STIM1: variants seen among roughly 807,000 people sequenced by gnomAD.
The protein encoded by STIM1 is stromal interaction molecule 1.
In STIM1, 25 loss-of-function variants were observed where a neutral mutation model predicts 74.7. The ratio of observed to expected loss-of-function variants is 0.33; its 90% CI spans 0.24 to 0.47. The LOEUF (loss-of-function observed/expected upper bound fraction) is 0.47, where lower values mean the gene tolerates loss of function less well. Ranked by LOEUF, STIM1 falls within the 20% of genes least tolerant of loss-of-function variation. The pLI is 1.00. For missense variants in STIM1, 728 were observed against 920.8 expected (o/e 0.79, Z 2.71); for synonymous variants, 328 against 348.8 (o/e 0.94, Z 0.66).
chr11:4,040,800 AACCTTGTGGTTTCTCTC>A (rs1565157217), intron 3 of STIM1, among the ~76,000 whole-genome samples: 1 of 151,940 alleles, frequency 6.6e-6, no homozygotes, highest in Non-Finnish European at 1.5e-5. Flanking sequence ...TGTCTCTACT[AACCTTGTGGTTTCTCTC>A]TTGGTGGTCT....
intron 3 of STIM1, among the ~76,000 whole-genome samples, chr11:4,042,298 C>T (rs1013561616): frequency 2.0e-5 from 3 of 152,322 alleles, no homozygotes; most frequent in South Asian, 4.1e-4. Context: ...GCTCAAATAT[C>T]ACTTCATCAG....
chr11:4,039,231 A>G (rs1239711930), intron 3 of STIM1, among the ~76,000 whole-genome samples: 1 of 152,124 alleles, frequency 6.6e-6, no homozygotes, highest in Non-Finnish European at 1.5e-5. Flanking sequence ...GGTTGAGGCT[A>G]CAGTGAGCTA....
chr11:3,856,119 T>G lies in STIM1; in HGVS notation c.-152T>G. Reference sequence around the variant, plus strand: ...ACTTGGAGCACTTGACCTTTGGCTGTTGGAGGGGGCAGGCTCGCGGGTGGC... The same window carrying G: ...ACTTGGAGCACTTGACCTTTGGCTGGTGGAGGGGGCAGGCTCGCGGGTGGC... On this transcript the variant is annotated 5_prime_UTR_variant, in exon 1 of 13. Coordinates refer to ENST00000526596, the MANE Select transcript of STIM1 (RefSeq NM_001382567.1). 3.1e-6 allele frequency: 3 copies of G among 964,076 alleles called. No homozygotes were observed. Among genetic ancestry groups the G allele is most frequent in the Non-Finnish European group, 3.2e-6 (2 of 625,728 alleles). The allele number at this position is 964,076 out of a possible 1,614,324, so 59.7% of individuals were successfully genotyped here.
intron 1 of STIM1, among the ~76,000 whole-genome samples, chr11:3,895,730 CTTTCT>C (rs1565105297): frequency 1.8e-4 from 7 of 39,246 alleles, no homozygotes; most frequent in South Asian, 1.0e-3. Flanking sequence ...TTCTTTCTTT[CTTTCT>C]TTTTCTTTCT....
upstream of STIM1, chr11:3,854,959 G>A (rs573054679): frequency 3.9e-5 from 6 of 152,506 alleles, no homozygotes; most frequent in East Asian, 1.2e-3. Flanking sequence ...CCTCCCCCGG[G>A]GCGGGTCTTA....
chr11:3,855,122 G>T (rs1376006522), upstream of STIM1: 1 of 152,310 alleles, frequency 6.6e-6, no homozygotes, highest in African/African-American at 2.4e-5. Context: ...CCGATTGGTT[G>T]TCAGGCGAGG....
chr11:3,989,509 C>CACCG, intron 2 of STIM1: 1 of 606,444 alleles, frequency 1.6e-6, no homozygotes, highest in Non-Finnish European at 3.1e-6. Flanking sequence ...AGCCGCGGCG[C>CACCG]ACCGAGAGCC....
rs544053152 is a variant in STIM1 at position 3,978,490 on chromosome 11, G to C, written c.270+10808G>C. Among the ~76,000 whole-genome samples, 23 of 150,880 alleles carry C rather than the reference G, an allele frequency of 1.5e-4. 1 individual carries two copies. The highest frequency in any genetic ancestry group is 2.4e-4 in the Non-Finnish European group (16 of 67,698). On this transcript the variant is annotated intron_variant, in intron 2 of 12. Coordinates refer to ENST00000526596, the MANE Select transcript of STIM1 (RefSeq NM_001382567.1). ...AGGTCTGGCTTTTGGGCCAGGCACG[G>C]TGGCTCATGCCTGTAATCCCAGCAT...
chr11:3,906,515 A>G (rs1251298534), intron 1 of STIM1, among the ~76,000 whole-genome samples: 1 of 152,234 alleles, frequency 6.6e-6, no homozygotes, highest in Non-Finnish European at 1.5e-5. Flanking sequence ...AAGATTTGCC[A>G]ATTCTAAAGC....
intron 1 of STIM1, among the ~76,000 whole-genome samples, chr11:3,889,431 G>A (rs1321098809): frequency 4.7e-5 from 7 of 150,148 alleles, no homozygotes; most frequent in African/African-American, 1.5e-4. Context: ...GCAATGGCAC[G>A]ATTTTGGCTC....
Position 3,902,678 on chromosome 11 carries a change from C to T in STIM1, c.139+46269C>T, listed in dbSNP as rs918718631. Among the ~76,000 whole-genome samples, 8 of 152,282 alleles carry T rather than the reference C, an allele frequency of 5.3e-5. No homozygotes were observed. In the East Asian group the frequency reaches 5.8e-4, roughly 11 times the overall value. ...GTTCCTAACAAGGCACGGACTGGTA[C>T]AGTCTGCAGCCTGAGGGTTGGGGAC... On this transcript the variant is annotated intron_variant, in intron 1 of 12. Coordinates refer to ENST00000526596, the MANE Select transcript of STIM1 (RefSeq NM_001382567.1).
chr11:3,868,773 G>A (rs1458624625), intron 1 of STIM1, among the ~76,000 whole-genome samples: 8 of 152,142 alleles, frequency 5.3e-5, no homozygotes, highest in African/African-American at 1.9e-4. Context: ...CAACTGTTCT[G>A]AATTTAAGCC....
intron 2 of STIM1, among the ~76,000 whole-genome samples, chr11:4,010,446 C>T (rs1399798596): frequency 1.3e-5 from 2 of 151,978 alleles, no homozygotes; most frequent in African/African-American, 4.8e-5. Context: ...GCTGGGATTA[C>T]AGGCATGAGC....
intron 2 of STIM1, among the ~76,000 whole-genome samples, chr11:4,006,533 C>T (rs1393600897): frequency 1.3e-5 from 2 of 152,138 alleles, no homozygotes; most frequent in Admixed American, 6.6e-5. Context: ...TCCTTCCTCA[C>T]CCTCCCAGGT....
chr11:3,931,039 A>G (rs903419661), intron 1 of STIM1, among the ~76,000 whole-genome samples: 20 of 152,232 alleles, frequency 1.3e-4, no homozygotes, highest in Admixed American at 5.9e-4. Flanking sequence ...GGCAAAAATG[A>G]ACAAAATAAT....
chr11:4,055,990 G>C (rs2094286792), intron 4 of STIM1, among the ~76,000 whole-genome samples: 1 of 152,140 alleles, frequency 6.6e-6, no homozygotes, highest in South Asian at 2.1e-4. Context: ...GATGAAACTG[G>C]TTAAGTAACT....
intron 1 of STIM1, among the ~76,000 whole-genome samples, chr11:3,912,818 G>A (rs1357040466): frequency 6.6e-6 from 1 of 152,198 alleles, no homozygotes; most frequent in Non-Finnish European, 1.5e-5. Context: ...AGCTTCCTTT[G>A]CAACTAAGTG....
At chr11:3,865,461 G>T (rs959676362) in intron 1 of STIM1, among the ~76,000 whole-genome samples, 5 of 152,144 alleles carry the variant, frequency 3.3e-5, no homozygotes, top group African/African-American at 1.2e-4. Context: ...CACCGAAATT[G>T]GTCTGGGTAC....
intron 1 of STIM1, among the ~76,000 whole-genome samples, chr11:3,917,434 TG>T (rs2092661209): frequency 6.8e-6 from 1 of 147,556 alleles, no homozygotes. Flanking sequence ...ACAGGGTTTC[TG>T]TTTTTTTTTT....
Sources: gnomAD v4.1 joint callset for allele counts (sites outside exome capture counted in the v4.1 genomes callset) on GRCh38, gnomAD v4.1.1 for gene constraint, MANE v1.5 for transcripts, NCBI Gene and HGNC (gene_info 2026-07-23, HGNC 2026-07-21) for gene names.